NEK3: variants seen among roughly 807,000 people sequenced by gnomAD.
NEK3 encodes NIMA related kinase 3.
A neutral mutation model predicts 66.0 loss-of-function variants in NEK3; 54 were observed. The observed-to-expected ratio is 0.82, with a 90% CI of 0.66 to 1.03. The LOEUF is 1.03. Ranked by LOEUF, NEK3 falls within the 50% of genes least tolerant of loss-of-function variation. The probability of loss-of-function intolerance (pLI) is 0.00; values close to 1 mark genes in which losing one functional copy is unlikely to be tolerated. For synonymous variants in NEK3, 200 were observed against 206.2 expected (o/e 0.97, Z 0.26); for missense variants, 593 against 603.0 (o/e 0.98, Z 0.17).
chr13:52,151,365 C>T lies in NEK3; in HGVS notation c.421G>A (p.Val141Met). 6.3e-7 allele frequency: 1 copy of T among 1,593,416 alleles called. No homozygotes were observed. Among genetic ancestry groups the T allele is most frequent in the South Asian group, 1.1e-5 (1 of 87,242 alleles). The change falls in exon 6 of 16, where the codon GTG becomes ATG. Residue 141 changes from valine (V) to methionine (M), a missense_variant. Transcript: ENST00000610828. ...GCAGATCCAAAGTCTCCCAATTTCACTTTTCCATTCTGAGTGAGGAAGATA... is the reference window on the plus strand; with the variant it reads ...GCAGATCCAAAGTCTCCCAATTTCATTTTTCCATTCTGAGTGAGGAAGATA... Reference protein sequence around the residue: ...KNIFLTQNGKVKLGDFGSARL... With the variant: ...KNIFLTQNGKMKLGDFGSARL...
At chr13:52,142,611 T>C (rs552952752) in intron 10 of NEK3, among the ~76,000 whole-genome samples, 2 of 152,342 alleles carry the variant, frequency 1.3e-5, no homozygotes, top group Admixed American at 1.3e-4. Flanking sequence ...GGTTGAGTTA[T>C]AAGACTGAAG....
chr13:52,158,415 T>C (rs1956413307), intron 1 of NEK3, among the ~76,000 whole-genome samples: 1 of 152,240 alleles, frequency 6.6e-6, no homozygotes, highest in Non-Finnish European at 1.5e-5. Context: ...CTTTTGAGTG[T>C]ATATAGATGT....
At chr13:52,152,346 A>AT (rs1956354558) in intron 5 of NEK3, among the ~76,000 whole-genome samples, 1 of 152,196 alleles carries the variant, frequency 6.6e-6, no homozygotes, top group South Asian at 2.1e-4. Flanking sequence ...GAGGCAACAG[A>AT]TATGTTAATT....
intron 1 of NEK3, chr13:52,156,834 C>G (rs560660794): frequency 1.3e-5 from 2 of 152,290 alleles, no homozygotes; most frequent in Non-Finnish European, 2.9e-5. Flanking sequence ...CCTAAGAGGG[C>G]AGAGAAAAAA....
chr13:52,154,038 T>C, intron 3 of NEK3, 42 bp downstream of exon 3: 1 of 1,602,588 alleles, frequency 6.2e-7, no homozygotes, highest in Non-Finnish European at 8.5e-7. Flanking sequence ...TGGCTATAAA[T>C]CAAATTCAGA....
chr13:52,151,063 G>C (rs1956341562), intron 7 of NEK3, 83 bp downstream of exon 7: 1 of 1,043,032 alleles, frequency 9.6e-7, no homozygotes, highest in Non-Finnish European at 1.4e-6. Flanking sequence ...CTGTTTTGAA[G>C]TGACGTCAGA....
chr13:52,136,314 T>C (rs1566849815), intron 12 of NEK3, 55 bp from the exon 13 acceptor site: 1 of 1,563,418 alleles, frequency 6.4e-7, no homozygotes, highest in East Asian at 2.2e-5. Context: ...TGTATCCATC[T>C]CTGTCCACAC....
At chr13:52,148,582 A>G in intron 7 of NEK3, 113 bp from the exon 8 acceptor site, 1 of 898,684 alleles carries the variant, frequency 1.1e-6, no homozygotes, top group South Asian at 1.6e-5. Context: ...CTAGGTATTA[A>G]AACATATAAT....
chr13:52,142,310 TC>T (rs1445409552), intron 10 of NEK3, among the ~76,000 whole-genome samples: 1 of 150,802 alleles, frequency 6.6e-6, no homozygotes, highest in Non-Finnish European at 1.5e-5. Flanking sequence ...GGAGTCTCGC[TC>T]TGTTGCCCAG....
At chr13:52,148,136 C>CA (rs1956309475) in intron 8 of NEK3, 1 of 295,706 alleles carries the variant, frequency 3.4e-6, no homozygotes, top group African/African-American at 2.2e-5. Context: ...TTTATTTTAT[C>CA]AAAATAAAAA....
At chr13:52,137,020 G>A (rs1462998018) in intron 11 of NEK3, 118 bp from the exon 12 acceptor site, 1 of 592,610 alleles carries the variant, frequency 1.7e-6, no homozygotes, top group Non-Finnish European at 2.8e-6. Flanking sequence ...TAAAATACAT[G>A]AATAATCATA....
intron 11 of NEK3, among the ~76,000 whole-genome samples, chr13:52,140,784 AC>A (rs1164101320): frequency 1.3e-5 from 2 of 151,906 alleles, no homozygotes; most frequent in African/African-American, 4.8e-5. Context: ...CTTAAGGGTA[AC>A]CCGGTATCCA....
At position 52,133,044 on chromosome 13, in the gene NEK3, C is replaced by T. The variant is rs956210501; in HGVS notation, c.*98G>A. On this transcript the variant is annotated 3_prime_UTR_variant, in exon 16 of 16. Transcript: ENST00000610828. ...AGTTTCCTCTGCTTCATTCTGTTTC[C>T]AAAGGAAAATATACGTCGCATGAAC... The T allele has an allele frequency of 2.5e-5, 24 of 973,786 alleles. No homozygotes were observed. Among genetic ancestry groups the T allele is most frequent in the Non-Finnish European group, 3.5e-5 (22 of 632,704 alleles). The allele number at this position is 973,786 out of a possible 1,614,324, so 60.3% of individuals were successfully genotyped here. A position where few individuals can be genotyped will look rare whatever the true frequency, so the allele number is the denominator to read the frequency against.
chr13:52,156,156 C>G lies in NEK3; in HGVS notation c.36G>C (p.Glu12Asp). The G allele has an allele frequency of 6.2e-6, 10 of 1,604,718 alleles. No individual in the cohort carries two copies. The highest frequency in any genetic ancestry group is 8.5e-6 in the Non-Finnish European group (10 of 1,175,332). ...CCAAAAGAGCTCTGCCGAAGGAGCC[C>G]TCCCCAATCATTCTCAGGACCATGT... ...DDYMVLRMIG[E>D]GSFGRALLVQ... is the part of the protein sequence containing the mutation. Residue 12 changes from glutamate (E) to aspartate (D), a missense_variant, in exon 2 of 16, where the codon GAG becomes GAC. By Grantham distance (45) the Glu-to-Asp change is conservative. Transcript: ENST00000610828.
In NEK3 at chr13:52,144,679, C is replaced by A. The variant is rs1956278535; in HGVS notation, c.804+12G>T. 1.2e-6 allele frequency: 2 copies of A among 1,612,392 alleles called. No homozygotes were observed. The highest frequency in any genetic ancestry group is 1.7e-6 in the Non-Finnish European group (2 of 1,178,728). ...TGAAAACTGTTCACAACCAATCCAACACAGATCATACCTCGGGGGGTAAGC... is the reference window on the plus strand; with the variant it reads ...TGAAAACTGTTCACAACCAATCCAAAACAGATCATACCTCGGGGGGTAAGC... On this transcript the variant is annotated intron_variant, in intron 9 of 15. Coordinates refer to ENST00000610828, the MANE Select transcript of NEK3 (RefSeq NM_002498.3).
At chr13:52,139,955 A>G (rs1429676343) in intron 11 of NEK3, among the ~76,000 whole-genome samples, 1 of 150,368 alleles carries the variant, frequency 6.7e-6, no homozygotes, top group Non-Finnish European at 1.5e-5. Context: ...TAATCCCAGC[A>G]CTTTAAGAGG....
Position 52,141,012 on chromosome 13 carries a change from G to A in NEK3, c.927+8C>T, listed in dbSNP as rs1956246069. On this transcript the variant is annotated splice_region_variant and intron_variant, in intron 11 of 15. Coordinates refer to ENST00000610828, the MANE Select transcript of NEK3 (RefSeq NM_002498.3). ...CCGGCCTCATAAAAGTAATTTTAAAGCACTTACCACTGTGCTTGCTTCATT... is the reference window on the plus strand; with the variant it reads ...CCGGCCTCATAAAAGTAATTTTAAAACACTTACCACTGTGCTTGCTTCATT... 3.2e-6 allele frequency: 5 copies of A among 1,586,274 alleles called. No homozygotes were observed. In the East Asian group the frequency reaches 1.1e-4, roughly 36 times the overall value.
rs1358060843 is a variant in NEK3 at position 52,136,813 on chromosome 13, GT to G, written c.1016del (p.Asn339ThrfsTer12). 1.3e-6 allele frequency: 2 copies of G among 1,555,758 alleles called. No individual in the cohort carries two copies. Among genetic ancestry groups the G allele is most frequent in the East Asian group, 4.7e-5 (2 of 42,830 alleles). ...NLVESALRRV[N>X]REEKGNKSVH... ...TGAATAACTTACCTTTTTCTTCTCT[GT>G]TTACTCTTCTCAATGCACTTTCAAC... On this transcript the variant is annotated frameshift_variant, in exon 12 of 16. Transcript: ENST00000610828. LOFTEE classifies it high-confidence loss of function.
intron 11 of NEK3, among the ~76,000 whole-genome samples, chr13:52,137,259 G>A (rs963736257): frequency 9.9e-5 from 15 of 152,052 alleles, no homozygotes; most frequent in African/African-American, 3.1e-4. Flanking sequence ...ATGGTTTGCC[G>A]TACTGGGCTT....
Sources: allele counts gnomAD v4.1 joint callset (sites outside exome capture counted in the v4.1 genomes callset), GRCh38; gene constraint gnomAD v4.1.1; transcripts MANE v1.5; gene names NCBI Gene and HGNC (gene_info 2026-07-23, HGNC 2026-07-21).